The following PRMT3 variants were observed in gnomAD, a reference collection of about 807,000 sequenced individuals.
PRMT3 encodes the protein protein arginine N-methyltransferase 3.
A neutral mutation model predicts 71.9 loss-of-function variants in PRMT3; 62 were observed. The observed-to-expected ratio is 0.86, with a 90% CI of 0.70 to 1.07. PRMT3 has a LOEUF of 1.07. Ranked by LOEUF, PRMT3 falls within the 50% of genes least tolerant of loss-of-function variation. PRMT3 has a pLI of 0.00. For synonymous variants in PRMT3, 213 were observed against 220.4 expected (o/e 0.97, Z 0.30); for missense variants, 663 against 643.0 (o/e 1.03, Z -0.34).
At chr11:20,409,470 C>A (rs7482968) in intron 9 of PRMT3, among the ~76,000 whole-genome samples, 148,125 of 152,282 alleles carry the variant, frequency 0.97, 72,388 homozygotes, top group Middle Eastern at 1. Context: ...TGCATAAGTT[C>A]TAAGTAAGAT....
intron 5 of PRMT3, 65 bp from the exon 6 acceptor site, chr11:20,395,738 A>C (rs147900838): frequency 1.4e-6 from 2 of 1,476,328 alleles, no homozygotes; most frequent in East Asian, 4.6e-5. Flanking sequence ...ATTTATTCCT[A>C]ACATATTTAT....
At chr11:20,450,536 A>C (rs1850124562) in intron 10 of PRMT3, among the ~76,000 whole-genome samples, 1 of 152,228 alleles carries the variant, frequency 6.6e-6, no homozygotes, top group African/African-American at 2.4e-5. Flanking sequence ...TCTATCCAGA[A>C]AAACATGTTT....
intron 9 of PRMT3, among the ~76,000 whole-genome samples, chr11:20,413,463 GTCTTA>G (rs1257988382): frequency 6.6e-6 from 1 of 152,126 alleles, no homozygotes; most frequent in African/African-American, 2.4e-5. Context: ...GGTTGATGGA[GTCTTA>G]TCTCATAAGA....
At chr11:20,395,319 AT>A (rs1366499771) in intron 5 of PRMT3, among the ~76,000 whole-genome samples, 4 of 151,974 alleles carry the variant, frequency 2.6e-5, no homozygotes, top group Non-Finnish European at 5.9e-5. Context: ...TCAAATTAAA[AT>A]AGTGTAGATG....
intron 3 of PRMT3, 37 bp from the exon 4 acceptor site, chr11:20,392,174 A>C: frequency 1.3e-6 from 2 of 1,546,850 alleles, no homozygotes; most frequent in Non-Finnish European, 1.8e-6. Flanking sequence ...AAAACTCATT[A>C]TGTTAACATA....
chr11:20,442,592 ATCACT>A (rs1849933589), intron 10 of PRMT3, among the ~76,000 whole-genome samples: 1 of 152,146 alleles, frequency 6.6e-6, no homozygotes, highest in Non-Finnish European at 1.5e-5. Context: ...TTTCTCAGAA[ATCACT>A]TCATTATTCT....
chr11:20,446,624 T>C (rs1258221973), intron 10 of PRMT3, among the ~76,000 whole-genome samples: 1 of 152,194 alleles, frequency 6.6e-6, no homozygotes, highest in Non-Finnish European at 1.5e-5. Context: ...GAATACAAAT[T>C]GTCATAGTCT....
In PRMT3 at chr11:20,493,942, A is replaced by G. The variant is rs1851271662; in HGVS notation, c.1371A>G (p.Ile457Met). ...MCTAIAGYFD[I>M]YFEKNCHNRV... ...AGGCAATTGCTGGCTACTTTGATAT[A>G]TATTTTGAGAAGAATTGCCACAACA... is the stretch of plus-strand genomic sequence containing the variant. Residue 457 changes from isoleucine (I) to methionine (M), a missense_variant, in exon 14 of 16, where the codon ATA becomes ATG. Physicochemically the swap from Ile to Met is conservative, Grantham distance 10. Transcript: ENST00000331079. The G allele has an allele frequency of 3.1e-6, 5 of 1,589,836 alleles. No individual in the cohort carries two copies. Among genetic ancestry groups the G allele is most frequent in the Middle Eastern group, 1.8e-4 (1 of 5,428 alleles).
intron 10 of PRMT3, among the ~76,000 whole-genome samples, chr11:20,433,561 A>G (rs1225929553): frequency 6.6e-6 from 1 of 151,930 alleles, no homozygotes; most frequent in East Asian, 1.9e-4. Context: ...AATGATTTTT[A>G]TTTCTCTGGG....
In PRMT3 at chr11:20,488,218, A is replaced by T. The variant is rs567115891; in HGVS notation, c.1348-5701A>T. ...GAAAAAATCATAATATATAATTTTC[A>T]TATTTGTTGATTATGTCTTCTTAAA... On this transcript the variant is annotated intron_variant, in intron 13 of 15. Coordinates refer to ENST00000331079, the MANE Select transcript of PRMT3 (RefSeq NM_005788.4). 2.0e-5 allele frequency among the ~76,000 whole-genome samples: 3 copies of T among 152,270 alleles called. No homozygotes were observed. In the East Asian group the frequency reaches 5.8e-4, roughly 29 times the overall value.
intron 15 of PRMT3, among the ~76,000 whole-genome samples, chr11:20,506,805 A>T (rs1182989446): frequency 6.6e-6 from 1 of 152,248 alleles, no homozygotes; most frequent in African/African-American, 2.4e-5. Flanking sequence ...GTGATCAACT[A>T]CAACTTAGCA....
chr11:20,390,149 CAA>C (rs10634828), intron 3 of PRMT3, among the ~76,000 whole-genome samples: 10 of 145,784 alleles, frequency 6.9e-5, no homozygotes, highest in East Asian at 2.0e-4. Context: ...AGACTCTTCT[CAA>C]AAAAAAAAAA....
At chr11:20,423,237 A>G (rs1849465748) in intron 9 of PRMT3, among the ~76,000 whole-genome samples, 1 of 152,096 alleles carries the variant, frequency 6.6e-6, no homozygotes, top group Non-Finnish European at 1.5e-5. Flanking sequence ...CTAATTTTTT[A>G]ATATTTCCTT....
At chr11:20,470,894 A>C (rs1850628176) in intron 13 of PRMT3, among the ~76,000 whole-genome samples, 1 of 152,024 alleles carries the variant, frequency 6.6e-6, no homozygotes, top group Non-Finnish European at 1.5e-5. Flanking sequence ...CCACAACCTC[A>C]CCAGCATCTG....
rs1590114673 is a variant in PRMT3, at chr11:20,500,572, C to T, written c.1486+6318C>T. 3.9e-5 allele frequency among the ~76,000 whole-genome samples: 6 copies of T among 152,216 alleles called. 1 individual carries two copies. The South Asian group carries it at 1.2e-3, about 32-fold the overall frequency. On this transcript the variant is annotated intron_variant, in intron 15 of 15. Transcript: ENST00000331079. ...ATGTAAGTCAGTATAACAAATAATC[C>T]AGAAATAGACCTGCTCTTGTATAAT...
chr11:20,493,258 T>C (rs559891228), intron 13 of PRMT3, among the ~76,000 whole-genome samples: 1 of 151,850 alleles, frequency 6.6e-6, no homozygotes, highest in East Asian at 1.9e-4. Context: ...AAAAAAAAAA[T>C]AAGTAACATT....
chr11:20,422,372 ATAG>A (rs757010587), intron 9 of PRMT3, among the ~76,000 whole-genome samples: 63 of 152,108 alleles, frequency 4.1e-4, no homozygotes, highest in Non-Finnish European at 7.3e-4. Flanking sequence ...GTGACAACTC[ATAG>A]TTTTAAGTTC....
At chr11:20,394,442 T>C (rs1164988580) in intron 5 of PRMT3, among the ~76,000 whole-genome samples, 1 of 149,856 alleles carries the variant, frequency 6.7e-6, no homozygotes, top group Admixed American at 6.7e-5. Context: ...CTTAGGAATG[T>C]TTTTTTTTTC....
intron 9 of PRMT3, among the ~76,000 whole-genome samples, chr11:20,421,291 G>T (rs566851032): frequency 6.6e-6 from 1 of 152,182 alleles, no homozygotes; most frequent in Non-Finnish European, 1.5e-5. Context: ...TCCCGTCTTG[G>T]CCTCTCAAGA....
Sources: allele counts gnomAD v4.1 joint callset (sites outside exome capture counted in the v4.1 genomes callset), GRCh38; gene constraint gnomAD v4.1.1; transcripts MANE v1.5; gene names NCBI Gene and HGNC (gene_info 2026-07-23, HGNC 2026-07-21).